Variants in SYNGR4 observed in about 807,000 individuals in gnomAD.
SYNGR4 encodes the protein synaptogyrin-4.
In SYNGR4, 15 loss-of-function variants were observed where a neutral mutation model predicts 15.5. The ratio of observed to expected loss-of-function variants is 0.97; its 90% CI spans 0.65 to 1.49. The LOEUF (loss-of-function observed/expected upper bound fraction) is 1.49. Among genes scored for constraint, SYNGR4 ranks in the 40% most tolerant of loss-of-function variants. The pLI is 0.00. For synonymous variants in SYNGR4, 121 were observed against 127.4 expected (o/e 0.95, Z 0.34); for missense variants, 292 against 299.3 (o/e 0.98, Z 0.18).
chr19:48,366,119 A>G (rs550956811), intron 2 of SYNGR4, among the ~76,000 whole-genome samples, 184 bp downstream of exon 2: 2 of 152,306 alleles, frequency 1.3e-5, no homozygotes, highest in African/African-American at 4.8e-5. Flanking sequence ...CTATTGAGGC[A>G]CTGATGGACT....
At chr19:48,373,403 G>C in intron 2 of SYNGR4, 114 bp from the exon 3 acceptor site, 1 of 847,854 alleles carries the variant, frequency 1.2e-6, no homozygotes, top group Non-Finnish European at 1.9e-6. Context: ...CAAAGAGGGA[G>C]AGGTCCAGAC....
At position 48,375,662 on chromosome 19, in the gene SYNGR4, A is replaced by G; in HGVS notation, c.381A>G (p.Gln127=). Residue 127 remains glutamine (Q), a synonymous_variant, in exon 4 of 5, where the codon CAA becomes CAG. Transcript: ENST00000344846. Reference sequence around the variant, plus strand: ...TGGGTTTCTGCTTCCTGGCCAACCAATGGCAGCATTCGCCGCCCAAAGAGT... The same window carrying G: ...TGGGTTTCTGCTTCCTGGCCAACCAGTGGCAGCATTCGCCGCCCAAAGAGT... ...WFMGFCFLAN[Q]WQHSPPKEFL... The G allele has an allele frequency of 6.2e-7, 1 of 1,613,962 alleles. No homozygotes were observed. Among genetic ancestry groups the G allele is most frequent in the Non-Finnish European group, 8.5e-7 (1 of 1,179,922 alleles).
At chr19:48,366,031 G>A (rs1253582262) in intron 2 of SYNGR4, 96 bp downstream of exon 2, 3 of 1,278,832 alleles carry the variant, frequency 2.3e-6, no homozygotes, top group Non-Finnish European at 3.3e-6. Flanking sequence ...GGACAAGGAA[G>A]GGGTCAGACG....
chr19:48,375,761 A>G lies in SYNGR4; in HGVS notation c.471+9A>G. 1 of 1,608,490 alleles carries G rather than the reference A, an allele frequency of 6.2e-7. No individual in the cohort carries two copies. Among genetic ancestry groups the G allele is most frequent in the Non-Finnish European group, 8.5e-7 (1 of 1,175,670 alleles). On this transcript the variant is annotated intron_variant, in intron 4 of 4. Coordinates refer to ENST00000344846, the MANE Select transcript of SYNGR4 (RefSeq NM_012451.4). ...TCTCCATCCTTGTCTGGGTGAGGAC[A>G]AGCCCCTCCACCACCCCTCCCTAGG... is the stretch of plus-strand genomic sequence containing the variant.
At chr19:48,368,960 G>A (rs907894822) in intron 2 of SYNGR4, among the ~76,000 whole-genome samples, 1 of 152,186 alleles carries the variant, frequency 6.6e-6, no homozygotes, top group Non-Finnish European at 1.5e-5. Context: ...AGTCCAACTC[G>A]GATCCACCCA....
intron 2 of SYNGR4, among the ~76,000 whole-genome samples, chr19:48,368,186 G>A (rs146355980): frequency 3.4e-4 from 52 of 152,300 alleles, no homozygotes; most frequent in African/African-American, 1.2e-3. Flanking sequence ...TTGATGGCTT[G>A]CCTGGTCACC....
Position 48,376,181 on chromosome 19 carries a change from C to T in SYNGR4, c.568C>T (p.Leu190Phe). 1 of 1,614,138 alleles carries T rather than the reference C, an allele frequency of 6.2e-7. No individual in the cohort carries two copies. Among genetic ancestry groups the T allele is most frequent in the East Asian group, 2.2e-5 (1 of 44,882 alleles). Residue 190 changes from leucine (L) to phenylalanine (F), a missense_variant, in exon 5 of 5, where the codon CTC becomes TTC. Leu to Phe is a conservative substitution (Grantham distance 22). Transcript: ENST00000344846. ...TGAGGGTGGCATGGTGCTGACCACC[C>T]TCCCCTTGCCCTCTGCCAACAGCCC... ...LDEGGMVLTT[L>F]PLPSANSPVN...
intron 2 of SYNGR4, among the ~76,000 whole-genome samples, chr19:48,366,934 A>G (rs566640281): frequency 7.9e-5 from 12 of 151,846 alleles, no homozygotes; most frequent in African/African-American, 2.9e-4. Context: ...CAGGCAGATC[A>G]TTTGAGGTCA....
In SYNGR4 at chr19:48,365,398, T is replaced by C. The variant is rs1379184570; in HGVS notation, c.-107-338T>C. Among the ~76,000 whole-genome samples, 7 of 16,416 alleles carry C rather than the reference T, an allele frequency of 4.3e-4. 1 individual carries two copies. Among genetic ancestry groups the C allele is most frequent in the South Asian group, 2.8e-3 (1 of 360 alleles). The allele number at this position is 16,416 out of a possible 152,430, so 10.8% of individuals were successfully genotyped here. ...CTATGCCTCCCACTTCTGGGACCCC[T>C]AGTAGCCCCCTCACCACACAACCCC... On this transcript the variant is annotated intron_variant, in intron 1 of 4. Coordinates refer to ENST00000344846, the MANE Select transcript of SYNGR4 (RefSeq NM_012451.4).
intron 2 of SYNGR4, among the ~76,000 whole-genome samples, chr19:48,367,203 C>T (rs1002880357): frequency 2.0e-5 from 3 of 150,896 alleles, no homozygotes; most frequent in Non-Finnish European, 4.4e-5. Context: ...GAGGCCGAGG[C>T]GGGCGGATCG....
At chr19:48,369,579 C>G (rs1350442732) in intron 2 of SYNGR4, among the ~76,000 whole-genome samples, 1 of 152,126 alleles carries the variant, frequency 6.6e-6, no homozygotes, top group East Asian at 1.9e-4. Context: ...AGAAACAGAC[C>G]AGGAAACTGA....
chr19:48,376,047 C>A (rs368963951), intron 4 of SYNGR4, 38 bp from the exon 5 acceptor site: 1 of 1,613,812 alleles, frequency 6.2e-7, no homozygotes, highest in Non-Finnish European at 8.5e-7. Flanking sequence ...ACCTGCCCAG[C>A]CCAAGTCAGC....
At chr19:48,373,154 G>T (rs1320200919) in intron 2 of SYNGR4, 1 of 244,212 alleles carries the variant, frequency 4.1e-6, no homozygotes, top group East Asian at 9.1e-5. Flanking sequence ...CCAGGCTTCA[G>T]GGCTGGGACT....
intron 3 of SYNGR4, among the ~76,000 whole-genome samples, chr19:48,375,198 GT>G (rs1970382356): frequency 6.6e-6 from 1 of 151,692 alleles, no homozygotes; most frequent in Non-Finnish European, 1.5e-5. Context: ...GCTAATTTTT[GT>G]TTTTTCAGTA....
At chr19:48,375,245 C>T (rs566323068) in intron 3 of SYNGR4, among the ~76,000 whole-genome samples, 9 of 151,976 alleles carry the variant, frequency 5.9e-5, no homozygotes, top group Non-Finnish European at 8.8e-5. Context: ...GGGCTGGTCT[C>T]GAACACCTGG....
At chr19:48,374,638 C>G (rs991961459) in intron 3 of SYNGR4, among the ~76,000 whole-genome samples, 3 of 152,172 alleles carry the variant, frequency 2.0e-5, no homozygotes, top group African/African-American at 7.2e-5. Context: ...CCTGCGCCTT[C>G]TCATGCAGGA....
intron 2 of SYNGR4, among the ~76,000 whole-genome samples, chr19:48,367,690 A>G (rs1728842536): frequency 6.6e-6 from 1 of 152,162 alleles, no homozygotes; most frequent in Non-Finnish European, 1.5e-5. Context: ...ACCGTGTGCC[A>G]GGCACCATGC....
chr19:48,370,779 C>T (rs1970292347), intron 2 of SYNGR4, among the ~76,000 whole-genome samples: 1 of 152,118 alleles, frequency 6.6e-6, no homozygotes, highest in Non-Finnish European at 1.5e-5. Context: ...CCATCCCCAA[C>T]CCCTATCGCC....
intron 2 of SYNGR4, among the ~76,000 whole-genome samples, chr19:48,370,301 CAT>C (rs1339524842): frequency 6.6e-6 from 1 of 152,078 alleles, no homozygotes; most frequent in African/African-American, 2.4e-5. Flanking sequence ...ACCTGTGCAA[CAT>C]AGCAATACCG....
Sources: gnomAD v4.1 joint callset for allele counts (sites outside exome capture counted in the v4.1 genomes callset) on GRCh38, gnomAD v4.1.1 for gene constraint, MANE v1.5 for transcripts, NCBI Gene and HGNC (gene_info 2026-07-23, HGNC 2026-07-21) for gene names.